Variants in INTS4 observed in about 807,000 individuals in gnomAD.
INTS4 encodes the protein MSTP093.
Under a neutral mutation model 119.5 loss-of-function variants are expected in INTS4, and 70 were observed. That is an observed-to-expected ratio of 0.59 (90% CI 0.48 to 0.71). The LOEUF is 0.71. Among genes scored for constraint, INTS4 ranks in the 30% least tolerant of loss-of-function variants. The probability of loss-of-function intolerance (pLI) is 0.00; values close to 1 mark genes in which losing one functional copy is unlikely to be tolerated. For missense variants in INTS4, 867 were observed against 1,173.2 expected, an observed-to-expected ratio of 0.74 and a Z score of 3.81; for synonymous variants, 316 against 419.6, an observed-to-expected ratio of 0.75 and a Z score of 3.02.
At chr11:77,977,466 T>C (rs1855997982) in intron 4 of INTS4, among the ~76,000 whole-genome samples, 1 of 151,766 alleles carries the variant, frequency 6.6e-6, no homozygotes, top group East Asian at 1.9e-4. Context: ...AAAATACTTA[T>C]GTTAGCAAAA....
intron 13 of INTS4, among the ~76,000 whole-genome samples, chr11:77,922,120 C>A (rs1283296747): frequency 1.3e-5 from 2 of 150,050 alleles, no homozygotes; most frequent in African/African-American, 4.9e-5. Context: ...CCCAGCTACT[C>A]AGGAGACTGA....
chr11:77,973,865 T>C (rs1199952540), intron 4 of INTS4, among the ~76,000 whole-genome samples: 2 of 152,186 alleles, frequency 1.3e-5, no homozygotes, highest in African/African-American at 4.8e-5. Flanking sequence ...TTAAAGATAT[T>C]TGGATCCACA....
At chr11:77,919,795 C>T (rs1953295185) in intron 14 of INTS4, among the ~76,000 whole-genome samples, 1 of 152,036 alleles carries the variant, frequency 6.6e-6, no homozygotes, top group South Asian at 2.1e-4. Context: ...TTTCACTTTT[C>T]ATTTTGTATC....
rs1423699871 is a variant in INTS4, at chr11:77,883,915, G to A, written c.2630C>T (p.Pro877Leu). Reference sequence around the variant, plus strand: ...AGGATTCCGGAAGTCTGCAGGCTTGGGGTGAATCATCTGAGCCTGGCCATC... The same window carrying A: ...AGGATTCCGGAAGTCTGCAGGCTTGAGGTGAATCATCTGAGCCTGGCCATC... ...YPDGQAQMIHPKPADFRNPGP... is the reference protein window; with the variant it reads ...YPDGQAQMIHLKPADFRNPGP... Residue 877 changes from proline (P) to leucine (L), a missense_variant, in exon 22 of 23, where the codon CCC (proline) becomes CTC (leucine). Around this residue, in one of 5 missense-constraint regions of INTS4, gnomAD observed 122 missense variants for 133.2 expected, o/e 0.92. Coordinates refer to ENST00000534064, the MANE Select transcript of INTS4 (RefSeq NM_033547.4). The A allele has an allele frequency of 6.2e-7, 1 of 1,613,280 alleles. No homozygotes were observed. Among genetic ancestry groups the A allele is most frequent in the East Asian group, 2.2e-5 (1 of 44,854 alleles).
At chr11:77,992,821 C>A (rs897875097) in intron 1 of INTS4, among the ~76,000 whole-genome samples, 2 of 152,174 alleles carry the variant, frequency 1.3e-5, no homozygotes, top group Admixed American at 6.5e-5. Flanking sequence ...TTAAACATAA[C>A]TTTATTATAC....
chr11:77,874,802 C>T (rs1320143503), downstream of INTS4, among the ~76,000 whole-genome samples: 6 of 152,046 alleles, frequency 3.9e-5, no homozygotes, highest in Non-Finnish European at 7.4e-5. Context: ...TTTGGGAGGC[C>T]GAGGTGGGCA....
chr11:77,904,820 A>G (rs1173884577), intron 16 of INTS4, among the ~76,000 whole-genome samples: 2 of 152,214 alleles, frequency 1.3e-5, no homozygotes, highest in Non-Finnish European at 2.9e-5. Context: ...TTTGGGTTGT[A>G]TGCAGGATAG....
intron 19 of INTS4, among the ~76,000 whole-genome samples, chr11:77,892,547 A>C (rs1952318904): frequency 6.6e-6 from 1 of 152,184 alleles, no homozygotes; most frequent in Non-Finnish European, 1.5e-5. Context: ...AGCAAAAGTA[A>C]GGCATGAACT....
chr11:77,962,219 G>A (rs1184503136), intron 4 of INTS4, among the ~76,000 whole-genome samples: 1 of 152,156 alleles, frequency 6.6e-6, no homozygotes, highest in Non-Finnish European at 1.5e-5. Flanking sequence ...GGAGGTGGAG[G>A]CTGCAGTGAG....
At chr11:77,990,724 A>G (rs1856647367) in intron 2 of INTS4, among the ~76,000 whole-genome samples, 1 of 152,092 alleles carries the variant, frequency 6.6e-6, no homozygotes, top group Non-Finnish European at 1.5e-5. Flanking sequence ...TAATTAAAAA[A>G]GAGGGCCACT....
At chr11:77,947,283 C>T (rs572067134) in intron 8 of INTS4, among the ~76,000 whole-genome samples, 7 of 152,192 alleles carry the variant, frequency 4.6e-5, no homozygotes, top group South Asian at 4.1e-4. Context: ...GGGAGAAATA[C>T]GGACATCCAG....
chr11:77,982,726 T>G (rs1171563134), intron 2 of INTS4, among the ~76,000 whole-genome samples: 1 of 152,040 alleles, frequency 6.6e-6, no homozygotes, highest in Admixed American at 6.6e-5. Context: ...ATATGTGAAA[T>G]GAGAGGAAAA....
intron 10 of INTS4, among the ~76,000 whole-genome samples, chr11:77,935,289 T>A (rs1242064500): frequency 6.6e-6 from 1 of 152,192 alleles, no homozygotes; most frequent in Non-Finnish European, 1.5e-5. Flanking sequence ...AATGAGGTGA[T>A]CTCAATGATT....
chr11:77,898,107 C>T (rs1952609974), intron 18 of INTS4, among the ~76,000 whole-genome samples: 1 of 152,170 alleles, frequency 6.6e-6, no homozygotes, highest in South Asian at 2.1e-4. Context: ...TGAGCCACTG[C>T]ATCTACCCCA....
At chr11:77,899,727 A>G (rs527690128) in intron 18 of INTS4, among the ~76,000 whole-genome samples, 1 of 152,254 alleles carries the variant, frequency 6.6e-6, no homozygotes, top group East Asian at 1.9e-4. Context: ...ACCTAAAAAC[A>G]TTAGTATCTT....
intron 4 of INTS4, chr11:77,963,375 C>CAA (rs1162893388): frequency 3.3e-5 from 6 of 182,550 alleles, no homozygotes; most frequent in South Asian, 1.7e-4. Context: ...AAAAAAAAAA[C>CAA]AAAAAAAACT....
intron 4 of INTS4, among the ~76,000 whole-genome samples, chr11:77,969,125 G>T (rs1274508526): frequency 1.3e-5 from 2 of 152,030 alleles, no homozygotes; most frequent in Non-Finnish European, 2.9e-5. Flanking sequence ...GTAGAGACAG[G>T]GTTATCACCA....
chr11:77,978,978 TA>T lies in INTS4; in HGVS notation c.471+17del, dbSNP rs1856070860. On this transcript the variant is annotated intron_variant, in intron 4 of 22. Coordinates refer to ENST00000534064, the MANE Select transcript of INTS4 (RefSeq NM_033547.4). ...GTTACCAGTTTAGGATGGATCTGAA[TA>T]GATTTTATACTCTTACCTTGCAGGC... 2.0e-6 allele frequency: 3 copies of T among 1,513,272 alleles called. No homozygotes were observed. The East Asian group carries it at 6.8e-5, about 34-fold the overall frequency. The allele number at this position is 1,513,272 out of a possible 1,614,324, so 93.7% of individuals were successfully genotyped here.
At chr11:77,980,261 C>T (rs1242797993) in intron 3 of INTS4, among the ~76,000 whole-genome samples, 1 of 152,186 alleles carries the variant, frequency 6.6e-6, no homozygotes, top group Non-Finnish European at 1.5e-5. Flanking sequence ...CCCCACTGAA[C>T]ACCTAGTTAT....
Sources: gnomAD v4.1 joint callset for allele counts (sites outside exome capture counted in the v4.1 genomes callset) on GRCh38, gnomAD v4.1.1 for gene constraint, gnomAD v4.1.1 regional missense constraint, MANE v1.5 for transcripts, NCBI Gene and HGNC (gene_info 2026-07-23, HGNC 2026-07-21) for gene names.